The following TAFA1 variants were observed in gnomAD, a reference collection of about 807,000 sequenced individuals.
The protein encoded by TAFA1 is chemokine-like protein TAFA-1.
A neutral mutation model predicts 18.5 loss-of-function variants in TAFA1; 4 were observed. The ratio of observed to expected loss-of-function variants is 0.22; its 90% CI spans 0.11 to 0.49. The LOEUF is 0.49. TAFA1 is among the 20% of genes least tolerant of loss of function. The probability of loss-of-function intolerance (pLI) is 0.98; values close to 1 mark genes in which losing one functional copy is unlikely to be tolerated. For synonymous variants in TAFA1, 56 were observed against 55.2 expected, an observed-to-expected ratio of 1.01 and a Z score of -0.06; for missense variants, 147 against 169.0, an observed-to-expected ratio of 0.87 and a Z score of 0.72.
chr3:68,096,646 G>A (rs115413399), intron 2 of TAFA1, among the ~76,000 whole-genome samples: 2,040 of 152,182 alleles, frequency 0.013, 46 homozygotes, highest in African/African-American at 0.047. Context: ...TGTATTCACA[G>A]CCAAGCTGGG....
At chr3:68,051,316 A>C (rs2064468750) in intron 2 of TAFA1, among the ~76,000 whole-genome samples, 1 of 152,154 alleles carries the variant, frequency 6.6e-6, no homozygotes, top group South Asian at 2.1e-4. Context: ...AGACAACAGA[A>C]TAGTTCTTAA....
chr3:68,051,808 C>G (rs1223245946), intron 2 of TAFA1, among the ~76,000 whole-genome samples: 1 of 151,852 alleles, frequency 6.6e-6, no homozygotes, highest in African/African-American at 2.4e-5. Flanking sequence ...TTTTTAACAA[C>G]ACTATCGTTT....
At chr3:68,254,632 G>A (rs947333017) in intron 2 of TAFA1, among the ~76,000 whole-genome samples, 1 of 151,702 alleles carries the variant, frequency 6.6e-6, no homozygotes, top group African/African-American at 2.4e-5. Flanking sequence ...TTTCCTCTGT[G>A]GAAATAAAGA....
Position 68,205,476 on chromosome 3 carries a change from C to T in TAFA1, c.118+198732C>T, listed in dbSNP as rs774927110. 6.6e-5 allele frequency among the ~76,000 whole-genome samples: 10 copies of T among 151,976 alleles called. No homozygotes were observed. The East Asian group carries it at 1.4e-3, about 21-fold the overall frequency. ...ACCCTAAGGAAGGCACAAATTCTCT[C>T]GGTCCCACTTTCCACATTGGTGAAA... is the stretch of plus-strand genomic sequence containing the variant. On this transcript the variant is annotated intron_variant, in intron 2 of 4. Transcript: ENST00000478136.
chr3:68,170,206 G>C (rs1388357587), intron 2 of TAFA1, among the ~76,000 whole-genome samples: 1 of 152,100 alleles, frequency 6.6e-6, no homozygotes, highest in Non-Finnish European at 1.5e-5. Flanking sequence ...CACAACCGTG[G>C]TACTTGTTAG....
chr3:68,458,698 T>C (rs2071712728), intron 3 of TAFA1, among the ~76,000 whole-genome samples: 2 of 152,178 alleles, frequency 1.3e-5, no homozygotes, highest in Admixed American at 1.3e-4. Context: ...ATGTCTTATG[T>C]ACAAACATTC....
intron 2 of TAFA1, among the ~76,000 whole-genome samples, chr3:68,042,930 C>G (rs1251631607): frequency 2.0e-5 from 3 of 152,120 alleles, no homozygotes; most frequent in Admixed American, 6.6e-5. Flanking sequence ...CTCTGTCACC[C>G]AGGCTGGAGT....
chr3:68,303,648 A>G (rs1304677534), intron 2 of TAFA1, among the ~76,000 whole-genome samples: 5 of 152,088 alleles, frequency 3.3e-5, no homozygotes, highest in African/African-American at 1.2e-4. Flanking sequence ...ACGGGGTTTC[A>G]CTGTGTTAGC....
In TAFA1 at chr3:68,057,751, C is replaced by G. The variant is rs1165200915; in HGVS notation, c.118+51007C>G. Among the ~76,000 whole-genome samples the G allele has an allele frequency of 2.0e-5, 3 of 152,246 alleles. No homozygotes were observed. The East Asian group carries it at 5.8e-4, about 29-fold the overall frequency. ...CAAGAATTCTTGTAAGTGAAAGATA[C>G]AGCCTCCAGTGAGAGTCAGAGAAGG... On this transcript the variant is annotated intron_variant, in intron 2 of 4. Coordinates refer to ENST00000478136, the MANE Select transcript of TAFA1 (RefSeq NM_213609.4).
chr3:68,241,374 G>A (rs2066997092), intron 2 of TAFA1, among the ~76,000 whole-genome samples: 1 of 152,070 alleles, frequency 6.6e-6, no homozygotes, highest in African/African-American at 2.4e-5. Flanking sequence ...TACCTTCTGG[G>A]GATGTTTTTG....
At chr3:68,198,225 G>A (rs749837858) in intron 2 of TAFA1, among the ~76,000 whole-genome samples, 5 of 151,636 alleles carry the variant, frequency 3.3e-5, no homozygotes, top group African/African-American at 1.2e-4. Context: ...TTTTTAGCAC[G>A]TAATAATATT....
chr3:68,099,835 T>A (rs2065127923), intron 2 of TAFA1, among the ~76,000 whole-genome samples: 1 of 152,146 alleles, frequency 6.6e-6, no homozygotes, highest in South Asian at 2.1e-4. Context: ...AATGAAACCA[T>A]GCCCTTTGCA....
intron 2 of TAFA1, among the ~76,000 whole-genome samples, chr3:68,305,236 C>T (rs201794291): frequency 7.2e-6 from 1 of 139,158 alleles, no homozygotes; most frequent in Non-Finnish European, 1.6e-5. Flanking sequence ...TGTTTTTTTT[C>T]CCCCGATGTT....
chr3:68,178,433 T>C (rs934548204), intron 2 of TAFA1, among the ~76,000 whole-genome samples: 1 of 152,150 alleles, frequency 6.6e-6, no homozygotes, highest in South Asian at 2.1e-4. Flanking sequence ...AAAATGATCA[T>C]GATTTTTTAT....
chr3:68,436,162 A>C (rs2071265534), intron 3 of TAFA1, among the ~76,000 whole-genome samples: 1 of 152,186 alleles, frequency 6.6e-6, no homozygotes, highest in African/African-American at 2.4e-5. Flanking sequence ...TCTAATTTAT[A>C]AATCTTCCAT....
At chr3:68,059,560 G>C (rs1159657354) in intron 2 of TAFA1, among the ~76,000 whole-genome samples, 1 of 152,128 alleles carries the variant, frequency 6.6e-6, no homozygotes, top group East Asian at 1.9e-4. Flanking sequence ...AGAGCAAGAG[G>C]GGGAATGCTG....
chr3:68,300,861 T>G (rs1326361776), intron 2 of TAFA1, among the ~76,000 whole-genome samples: 1 of 152,168 alleles, frequency 6.6e-6, no homozygotes, highest in East Asian at 1.9e-4. Flanking sequence ...AAAGGTGCCT[T>G]GCTTCCCCTT....
intron 2 of TAFA1, among the ~76,000 whole-genome samples, chr3:68,407,675 A>G (rs1363045499): frequency 6.6e-6 from 1 of 152,090 alleles, no homozygotes; most frequent in East Asian, 1.9e-4. Context: ...TGAAATATAG[A>G]ATGGAAAATA....
At chr3:68,043,331 C>A (rs1184278085) in intron 2 of TAFA1, among the ~76,000 whole-genome samples, 1 of 152,148 alleles carries the variant, frequency 6.6e-6, no homozygotes, top group African/African-American at 2.4e-5. Context: ...ATAAAAGGGA[C>A]TGTTAAAATT....
Sources: gnomAD v4.1 joint callset for allele counts (sites outside exome capture counted in the v4.1 genomes callset) on GRCh38, gnomAD v4.1.1 for gene constraint, MANE v1.5 for transcripts, NCBI Gene and HGNC (gene_info 2026-07-23, HGNC 2026-07-21) for gene names.